Variants in WDR59 observed in about 807,000 individuals in gnomAD.
The protein encoded by WDR59 is GATOR2 complex protein WDR59.
Under a neutral mutation model 131.2 loss-of-function variants are expected in WDR59, and 100 were observed. That is an observed-to-expected ratio of 0.76 (90% confidence interval 0.65 to 0.90). The LOEUF (loss-of-function observed/expected upper bound fraction) is 0.90, where lower values mean the gene tolerates loss of function less well. WDR59 is among the 40% of genes least tolerant of loss of function. The pLI is 0.00. For missense variants in WDR59, 1,203 were observed against 1,262.2 expected (o/e 0.95, Z 0.71); for synonymous variants, 601 against 466.2 (o/e 1.29, Z -3.72).
At position 74,887,689 on chromosome 16, in the gene WDR59, T is replaced by G; in HGVS notation, c.2413A>C (p.Asn805His). The G allele has an allele frequency of 6.2e-7, 1 of 1,614,032 alleles. No homozygotes were observed. The highest frequency in any genetic ancestry group is 8.5e-7 in the Non-Finnish European group (1 of 1,179,984). Reference sequence around the variant, plus strand: ...AAGTCATTTCCATACAAACCTATGTTCCAGCCGCCAGTGTTGAGCCCTGGG... The same window carrying G: ...AAGTCATTTCCATACAAACCTATGTGCCAGCCGCCAGTGTTGAGCCCTGGG... ...SDPGLNTGGW[N>H]IAGREAEHLS... is the part of the protein sequence containing the mutation. The change falls in exon 23 of 26, where the codon AAC (asparagine) becomes CAC (histidine). Residue 805 changes from asparagine to histidine, a missense_variant. Physicochemically the swap from Asn to His is moderately conservative, Grantham distance 68. Transcript: ENST00000262144.
intron 6 of WDR59, among the ~76,000 whole-genome samples, 160 bp from the exon 7 acceptor site, chr16:74,942,986 A>G (rs914420815): frequency 1.5e-4 from 23 of 152,200 alleles, no homozygotes; most frequent in African/African-American, 5.5e-4. Flanking sequence ...GATAAAATGA[A>G]GCCAAAAAAT....
rs998377088 is a variant in WDR59 at position 74,871,417 on chromosome 16, A to G, written c.*2792T>C. 5 of 152,240 alleles carry G rather than the reference A, an allele frequency of 3.3e-5. No individual in the cohort carries two copies. Among genetic ancestry groups the G allele is most frequent in the Non-Finnish European group, 5.9e-5 (4 of 68,046 alleles). 9.4% of individuals were successfully genotyped at this position (152,240 alleles called of 1,614,324 possible). A position where few individuals can be genotyped will look rare whatever the true frequency, so the allele number is the denominator to read the frequency against. ...TGAGAGAATATCGGCCATGGCCCGC[A>G]ACCAGACAACCAACCTGTTTCCAAA... On this transcript the variant is annotated 3_prime_UTR_variant, in exon 26 of 26. Transcript: ENST00000262144.
intron 10 of WDR59, among the ~76,000 whole-genome samples, chr16:74,920,055 C>T (rs912263348): frequency 1.3e-4 from 17 of 133,668 alleles, no homozygotes; most frequent in Non-Finnish European, 2.2e-4. Flanking sequence ...GGTGACAGAG[C>T]GAGACCCTAT....
chr16:74,908,793 G>C, intron 17 of WDR59, 115 bp downstream of exon 17: 1 of 715,202 alleles, frequency 1.4e-6, no homozygotes, highest in South Asian at 1.9e-5. Flanking sequence ...TATAATGGGA[G>C]TTTACTGAAG....
intron 2 of WDR59, among the ~76,000 whole-genome samples, chr16:74,962,257 G>T (rs1359682480): frequency 1.3e-5 from 2 of 152,114 alleles, no homozygotes; most frequent in Non-Finnish European, 2.9e-5. Flanking sequence ...GTTTAGGATT[G>T]TCTTGGCTAT....
intron 8 of WDR59, among the ~76,000 whole-genome samples, chr16:74,927,587 C>CA (rs370386044): frequency 0.62 from 35,984 of 57,758 alleles, 11,546 homozygotes; most frequent in East Asian, 0.72. Context: ...GACTCCATCT[C>CA]AAAAAAAAAA....
At chr16:74,980,822 T>C (rs1317495119) in intron 1 of WDR59, among the ~76,000 whole-genome samples, 2 of 150,668 alleles carry the variant, frequency 1.3e-5, no homozygotes, top group African/African-American at 4.9e-5. Context: ...AATACAAAAA[T>C]TAGCCCGGTG....
chr16:74,985,098 C>A lies in WDR59; in HGVS notation c.-81G>T. On this transcript the variant is annotated 5_prime_UTR_variant, in exon 1 of 26. Transcript: ENST00000262144. ...CAGTATCCCGGGACCGTGCGCCCCA[C>A]ACAGCCAGAGAATCAGCCCCGACAC... 2.2e-6 allele frequency: 3 copies of A among 1,392,662 alleles called. No individual in the cohort carries two copies. Among genetic ancestry groups the A allele is most frequent in the South Asian group, 2.5e-5 (2 of 80,874 alleles). The allele number at this position is 1,392,662 out of a possible 1,614,324, so 86.3% of individuals were successfully genotyped here.
intron 2 of WDR59, among the ~76,000 whole-genome samples, chr16:74,960,728 A>G (rs2033521371): frequency 6.7e-6 from 1 of 148,388 alleles, no homozygotes; most frequent in African/African-American, 2.5e-5. Flanking sequence ...AGCCTTGGTG[A>G]CAGAGCAAGA....
intron 8 of WDR59, among the ~76,000 whole-genome samples, chr16:74,929,109 C>T (rs527505922): frequency 6.6e-6 from 1 of 152,230 alleles, no homozygotes; most frequent in South Asian, 2.1e-4. Flanking sequence ...GAGTCTCACT[C>T]TGTCGCCCGG....
At chr16:74,965,482 G>A (rs781505461) in intron 2 of WDR59, among the ~76,000 whole-genome samples, 2 of 152,056 alleles carry the variant, frequency 1.3e-5, no homozygotes, top group Non-Finnish European at 2.9e-5. Flanking sequence ...CATCCTTCAG[G>A]TATGTAGTAG....
At chr16:74,943,070 G>GAGATTCT (rs2032354446) in intron 6 of WDR59, among the ~76,000 whole-genome samples, 1 of 152,142 alleles carries the variant, frequency 6.6e-6, no homozygotes, top group Admixed American at 6.6e-5. Flanking sequence ...AAAATCTACA[G>GAGATTCT]GTCACTCTGA....
chr16:74,889,698 C>G lies in WDR59; in HGVS notation c.2195+5G>C. The G allele has an allele frequency of 1.2e-6, 2 of 1,611,168 alleles. No individual in the cohort carries two copies. Among genetic ancestry groups the G allele is most frequent in the Non-Finnish European group, 1.7e-6 (2 of 1,178,974 alleles). On this transcript the variant is annotated splice_donor_5th_base_variant and intron_variant, in intron 21 of 25. Coordinates refer to ENST00000262144, the MANE Select transcript of WDR59 (RefSeq NM_030581.4). ...TTTTTCTCATTTTTAGCTCTCAAAA[C>G]CTACAGGGACTCCAGCAGCTGCCGC...
At chr16:74,919,309 G>A (rs2144987686) in intron 10 of WDR59, among the ~76,000 whole-genome samples, 1 of 151,618 alleles carries the variant, frequency 6.6e-6, no homozygotes, top group African/African-American at 2.4e-5. Flanking sequence ...TCCTCAATTT[G>A]CTCTTGGAAC....
At chr16:74,958,591 T>TTAAAAAA (rs2033407316) in intron 2 of WDR59, among the ~76,000 whole-genome samples, 1 of 1,078 alleles carries the variant, frequency 9.3e-4, no homozygotes, top group Non-Finnish European at 3.6e-3. Flanking sequence ...AGACTCCATC[T>TTAAAAAA]CAAAAAAAAA....
At chr16:74,917,906 C>A in intron 11 of WDR59, 23 bp downstream of exon 11, 1 of 1,608,540 alleles carries the variant, frequency 6.2e-7, no homozygotes. Context: ...GTACATTTCT[C>A]CACAATAGCA....
chr16:74,957,726 T>C (rs927783028), intron 2 of WDR59, among the ~76,000 whole-genome samples: 1 of 152,146 alleles, frequency 6.6e-6, no homozygotes, highest in Non-Finnish European at 1.5e-5. Flanking sequence ...TCTGCAGCCA[T>C]CAGCTATTGA....
chr16:74,888,064 G>A lies in WDR59; in HGVS notation c.2346+105C>T, dbSNP rs1232093398. On this transcript the variant is annotated intron_variant, in intron 22 of 25. Transcript: ENST00000262144. ...ACCCAGGAGGCGGAGGTTGCAGTGA[G>A]CTGAGATCATGCCATTGCACTCCAG... The A allele has an allele frequency of 5.1e-6, 7 of 1,385,480 alleles. No individual in the cohort carries two copies. In the African/African-American group the frequency reaches 9.0e-5, roughly 18 times the overall value. The allele number at this position is 1,385,480 out of a possible 1,614,324, so 85.8% of individuals were successfully genotyped here.
At chr16:74,960,434 C>T (rs948266596) in intron 2 of WDR59, among the ~76,000 whole-genome samples, 2 of 151,616 alleles carry the variant, frequency 1.3e-5, no homozygotes, top group African/African-American at 4.8e-5. Context: ...AGTAGGAATT[C>T]CAACAAGAAA....
Sources: gnomAD v4.1 joint callset for allele counts (sites outside exome capture counted in the v4.1 genomes callset) on GRCh38, gnomAD v4.1.1 for gene constraint, MANE v1.5 for transcripts, NCBI Gene and HGNC (gene_info 2026-07-23, HGNC 2026-07-21) for gene names.